ROBO2: variants seen among roughly 807,000 people sequenced by gnomAD.
ROBO2 encodes the protein roundabout homolog 2.
Under a neutral mutation model 160.8 loss-of-function variants are expected in ROBO2, and 53 were observed. That is an observed-to-expected ratio of 0.33 (90% CI 0.26 to 0.41). ROBO2 has a LOEUF of 0.41. Ranked by LOEUF, ROBO2 falls within the 10% of genes least tolerant of loss-of-function variation. ROBO2 has a pLI of 1.00. For synonymous variants in ROBO2, 664 were observed against 611.7 expected, an observed-to-expected ratio of 1.09 and a Z score of -1.26; for missense variants, 1,577 against 1,722.4, an observed-to-expected ratio of 0.92 and a Z score of 1.49.
chr3:77,288,569 C>A (rs1437525102), intron 2 of ROBO2, among the ~76,000 whole-genome samples: 1 of 152,122 alleles, frequency 6.6e-6, no homozygotes, highest in Non-Finnish European at 1.5e-5. Context: ...CCTGTTTGAC[C>A]ATGTGACAGC....
chr3:76,836,211 A>G (rs2067676642), intron 2 of ROBO2, among the ~76,000 whole-genome samples: 2 of 151,928 alleles, frequency 1.3e-5, no homozygotes, highest in South Asian at 4.1e-4. Context: ...TACCTGGTCT[A>G]CTACTTGTTG....
chr3:77,362,867 T>A (rs1405773062), intron 2 of ROBO2, among the ~76,000 whole-genome samples: 1 of 152,072 alleles, frequency 6.6e-6, no homozygotes, highest in East Asian at 1.9e-4. Context: ...CTCCTTTTTA[T>A]AAAACCATCA....
rs57475227 is a variant in ROBO2 at position 77,433,486 on chromosome 3, G to GTATATATATATATATA, written c.389-43910_389-43895dup. The stretch of plus-strand genomic sequence containing the variant: ...GATTTTCCTTCTTCTCTGGCAACTT[G>GTATATATATATATATA]TATATATATATATATATATATATAT... On this transcript the variant is annotated intron_variant, in intron 2 of 25. Transcript: ENST00000461745. Among the ~76,000 whole-genome samples the GTATATATATATATATA allele has an allele frequency of 1.7e-3, 169 of 99,362 alleles. 3 individuals carry two copies. Among genetic ancestry groups the GTATATATATATATATA allele is most frequent in the African/African-American group, 3.0e-3 (85 of 28,348 alleles). The allele number at this position is 99,362 out of a possible 152,430, so 65.2% of individuals were successfully genotyped here.
At chr3:76,313,301 G>A (rs1205910916) in intron 2 of ROBO2, among the ~76,000 whole-genome samples, 3 of 152,310 alleles carry the variant, frequency 2.0e-5, no homozygotes, top group East Asian at 3.9e-4. Flanking sequence ...ATATGTGTAT[G>A]TTGTAAATAT....
intron 2 of ROBO2, among the ~76,000 whole-genome samples, chr3:76,462,727 A>T (rs2078153480): frequency 6.6e-6 from 1 of 152,182 alleles, no homozygotes; most frequent in Non-Finnish European, 1.5e-5. Context: ...GTATGTAAGA[A>T]TGTATAAAAG....
chr3:76,952,875 A>G (rs1198445257), intron 2 of ROBO2, among the ~76,000 whole-genome samples: 2 of 152,174 alleles, frequency 1.3e-5, no homozygotes, highest in Admixed American at 6.5e-5. Context: ...AATGACTACA[A>G]TTTACACACA....
At chr3:76,212,049 A>G (rs1396496901) in intron 2 of ROBO2, among the ~76,000 whole-genome samples, 1 of 152,064 alleles carries the variant, frequency 6.6e-6, no homozygotes, top group Admixed American at 6.5e-5. Flanking sequence ...GTTTATACAA[A>G]TTAACTAGAA....
rs145842926 is a variant in ROBO2, at chr3:77,130,359, A to T, written c.388+32019A>T. 1.4e-3 allele frequency among the ~76,000 whole-genome samples: 220 copies of T among 152,356 alleles called. 1 individual carries two copies. The highest frequency in any genetic ancestry group is 5.0e-3 in the African/African-American group (208 of 41,586). ...ACGACACATTTTGAACTCGATTAAG[A>T]AAGTCACTTGAATTTGCTTTTTGTC... On this transcript the variant is annotated intron_variant, in intron 2 of 25. Coordinates refer to ENST00000461745, the Ensembl canonical transcript of ROBO2.
intron 2 of ROBO2, among the ~76,000 whole-genome samples, chr3:76,388,270 T>G (rs1273482097): frequency 6.7e-6 from 1 of 150,056 alleles, no homozygotes; most frequent in Non-Finnish European, 1.5e-5. Context: ...AAATTTACCA[T>G]TTTTTTCTTT....
At chr3:76,507,191 T>C (rs552356356) in intron 2 of ROBO2, among the ~76,000 whole-genome samples, 10 of 152,164 alleles carry the variant, frequency 6.6e-5, no homozygotes, top group African/African-American at 2.4e-4. Flanking sequence ...ATATTTTATA[T>C]CAAAAGAGAA....
At chr3:76,106,709 G>C (rs2069950341) in intron 2 of ROBO2, among the ~76,000 whole-genome samples, 1 of 152,052 alleles carries the variant, frequency 6.6e-6, no homozygotes, top group Non-Finnish European at 1.5e-5. Flanking sequence ...GAAAACAGAA[G>C]AGCATTTACA....
In ROBO2 at chr3:77,416,151, T is replaced by A. The variant is rs574607937; in HGVS notation, c.389-61263T>A. Among the ~76,000 whole-genome samples, 3 of 152,260 alleles carry A rather than the reference T, an allele frequency of 2.0e-5. No individual in the cohort carries two copies. The South Asian group carries it at 6.2e-4, about 32-fold the overall frequency. ...CTTGACAATAAGAGGGGAGCCCAAG[T>A]TGGTGGCCCTTTGTGTGAGGGGGAG... is the stretch of plus-strand genomic sequence containing the variant. On this transcript the variant is annotated intron_variant, in intron 2 of 25. Coordinates refer to ENST00000461745, the Ensembl canonical transcript of ROBO2.
chr3:76,286,086 G>C (rs1576265303), intron 2 of ROBO2, among the ~76,000 whole-genome samples: 1 of 152,148 alleles, frequency 6.6e-6, no homozygotes, highest in East Asian at 1.9e-4. Context: ...GAAGCCATAA[G>C]CAGGTAAAGC....
chr3:76,767,910 A>G (rs1264294018), intron 2 of ROBO2, among the ~76,000 whole-genome samples: 1 of 151,478 alleles, frequency 6.6e-6, no homozygotes, highest in Non-Finnish European at 1.5e-5. Flanking sequence ...TGAATGTGGG[A>G]TCTACTTTTT....
chr3:76,765,055 C>T (rs77666846), intron 2 of ROBO2, among the ~76,000 whole-genome samples: 1,592 of 151,778 alleles, frequency 0.01, 23 homozygotes, highest in African/African-American at 0.037. Flanking sequence ...ACCCTCATCC[C>T]TCTCCGACCC....
chr3:77,192,294 G>A (rs1456217283), intron 2 of ROBO2, among the ~76,000 whole-genome samples: 1 of 152,064 alleles, frequency 6.6e-6, no homozygotes, highest in African/African-American at 2.4e-5. Context: ...AAAAGGGAAA[G>A]TACATTTTCC....
chr3:77,619,177 G>A (rs1163286029), intron 22 of ROBO2, among the ~76,000 whole-genome samples: 1 of 152,136 alleles, frequency 6.6e-6, no homozygotes, highest in Non-Finnish European at 1.5e-5. Context: ...ATGACTTTGG[G>A]CAACTTGCTC....
At chr3:76,532,626 C>G (rs959789380) in intron 2 of ROBO2, among the ~76,000 whole-genome samples, 3 of 152,150 alleles carry the variant, frequency 2.0e-5, no homozygotes, top group African/African-American at 7.2e-5. Context: ...TCAAATTAGG[C>G]AACCGTTCTA....
At chr3:76,960,146 T>G (rs2149227249) in intron 2 of ROBO2, among the ~76,000 whole-genome samples, 1 of 143,456 alleles carries the variant, frequency 7.0e-6, no homozygotes, top group African/African-American at 3.0e-5. Context: ...TTTGACACTC[T>G]TAGGACAAAA....
Sources: allele counts gnomAD v4.1 joint callset (sites outside exome capture counted in the v4.1 genomes callset), GRCh38; gene constraint gnomAD v4.1.1; transcripts MANE v1.5; gene names NCBI Gene and HGNC (gene_info 2026-07-23, HGNC 2026-07-21).